TIPRL: variants seen among roughly 807,000 people sequenced by gnomAD.
TIPRL encodes the protein TOR signaling pathway regulator.
In TIPRL, 10 loss-of-function variants were observed where a neutral mutation model predicts 32.3. The observed-to-expected ratio is 0.31, with a 90% CI of 0.19 to 0.52. The LOEUF is 0.52. TIPRL is among the 20% of genes least tolerant of loss of function. The pLI is 0.96. For missense variants in TIPRL, 250 were observed against 328.1 expected (o/e 0.76, Z 1.84); for synonymous variants, 100 against 114.0 (o/e 0.88, Z 0.78).
At chr1:168,187,116 G>C (rs1211454139) in intron 3 of TIPRL, among the ~76,000 whole-genome samples, 1 of 152,192 alleles carries the variant, frequency 6.6e-6, no homozygotes, top group Non-Finnish European at 1.5e-5. Context: ...CTTGGATACA[G>C]CAGAGCAGAC....
chr1:168,196,159 G>A (rs1207673080), intron 4 of TIPRL, among the ~76,000 whole-genome samples: 1 of 152,160 alleles, frequency 6.6e-6, no homozygotes, highest in African/African-American at 2.4e-5. Flanking sequence ...AAAGTGAATA[G>A]GTGAGTAGTG....
At chr1:168,193,619 G>A (rs1436721084) in intron 4 of TIPRL, among the ~76,000 whole-genome samples, 1 of 152,080 alleles carries the variant, frequency 6.6e-6, no homozygotes, top group East Asian at 1.9e-4. Flanking sequence ...TAAGTGGGTC[G>A]GTATTTGGAA....
At position 168,188,759 on chromosome 1, in the gene TIPRL, A is replaced by T. The variant is rs1194420922; in HGVS notation, c.385-2610A>T. ...TTTAGGAGGCCGAGGCAGGCGGAAC[A>T]CCTGAGGTCAGGAGTTCGAGACCAG... On this transcript the variant is annotated intron_variant, in intron 3 of 6. Coordinates refer to ENST00000367833, the MANE Select transcript of TIPRL (RefSeq NM_152902.5). 6.6e-5 allele frequency among the ~76,000 whole-genome samples: 10 copies of T among 152,226 alleles called. No homozygotes were observed. In the East Asian group the frequency reaches 9.7e-4, roughly 15 times the overall value.
At chr1:168,190,066 T>G (rs1700074241) in intron 3 of TIPRL, among the ~76,000 whole-genome samples, 2 of 152,210 alleles carry the variant, frequency 1.3e-5, no homozygotes, top group African/African-American at 2.4e-5. Context: ...TACAAGTGTG[T>G]GTATTTAACA....
chr1:168,179,297 C>CGGAG, intron 1 of TIPRL, 116 bp downstream of exon 1: 6 of 801,516 alleles, frequency 7.5e-6, no homozygotes, highest in Non-Finnish European at 1.2e-5. Flanking sequence ...TCGGTCCCTC[C>CGGAG]GGACCGGACC....
chr1:168,182,075 CA>C lies in TIPRL; in HGVS notation c.105-1814del, dbSNP rs34352880. On this transcript the variant is annotated intron_variant, in intron 1 of 6. Coordinates refer to ENST00000367833, the MANE Select transcript of TIPRL (RefSeq NM_152902.5). ...TAAGACTCCGTCCCCCACCCTCCGC[CA>C]AAAAAAAAAAAATGCCTTTTTTTAT... 6.1e-3 allele frequency among the ~76,000 whole-genome samples: 804 copies of C among 131,958 alleles called. 5 individuals carry two copies. The highest frequency in any genetic ancestry group is 0.017 in the African/African-American group (536 of 31,332). 86.6% of individuals were successfully genotyped at this position (131,958 alleles called of 152,430 possible). A position where few individuals can be genotyped will look rare whatever the true frequency, so the allele number is the denominator to read the frequency against.
At chr1:168,191,858 CAAAAAAAAAA>C (rs60988834) in intron 4 of TIPRL, among the ~76,000 whole-genome samples, 1 of 38,902 alleles carries the variant, frequency 2.6e-5, no homozygotes, top group Non-Finnish European at 5.6e-5. Context: ...GGCGACAGAG[CAAAAAAAAAA>C]AAAAAAAAAA....
At chr1:168,183,835 A>T in intron 1 of TIPRL, 67 bp from the exon 2 acceptor site, 1 of 1,518,668 alleles carries the variant, frequency 6.6e-7, no homozygotes, top group Non-Finnish European at 9.0e-7. Flanking sequence ...TTCTGTTGGG[A>T]TGGAAAAGAA....
intron 4 of TIPRL, among the ~76,000 whole-genome samples, chr1:168,194,881 A>G (rs1700135773): frequency 6.6e-6 from 1 of 152,230 alleles, no homozygotes; most frequent in African/African-American, 2.4e-5. Context: ...TGGAGCCTAC[A>G]GTCAAGTGGA....
At position 168,183,968 on chromosome 1, in the gene TIPRL, C is replaced by G. The variant is rs1236989574; in HGVS notation, c.171C>G (p.Ile57Met). The change falls in exon 2 of 7, where the codon ATC becomes ATG. Residue 57 changes from isoleucine to methionine, a missense_variant. Coordinates refer to ENST00000367833, the MANE Select transcript of TIPRL (RefSeq NM_152902.5). ...TGTTTGGAGACAACGTTTTAAGAAT[C>G]CAGCATGGGTCTGGCTTTGGAATTG... ...EMMFGDNVLR[I>M]QHGSGFGIEF... 3 of 1,614,068 alleles carry G rather than the reference C, an allele frequency of 1.9e-6. No individual in the cohort carries two copies. In the Admixed American group the frequency reaches 5.0e-5, roughly 27 times the overall value.
intron 4 of TIPRL, chr1:168,192,331 G>C: frequency 9.8e-7 from 1 of 1,017,860 alleles, no homozygotes; most frequent in South Asian, 4.0e-5. Flanking sequence ...TCCAGCCTGG[G>C]CGACAGAGCA....
intron 4 of TIPRL, among the ~76,000 whole-genome samples, chr1:168,191,956 T>C (rs1251274564): frequency 6.6e-6 from 1 of 152,108 alleles, no homozygotes; most frequent in East Asian, 1.9e-4. Context: ...GAATATCCAT[T>C]ATAAAATTCA....
At chr1:168,184,731 C>A (rs922781450) in intron 2 of TIPRL, 48 bp from the exon 3 acceptor site, 2 of 1,136,622 alleles carry the variant, frequency 1.8e-6, no homozygotes, top group Non-Finnish European at 2.6e-6. Flanking sequence ...TACAGATAAT[C>A]TCTATTCTGC....
chr1:168,186,381 AGCTACTTG>A (rs1236707414), intron 3 of TIPRL, among the ~76,000 whole-genome samples: 2 of 152,102 alleles, frequency 1.3e-5, no homozygotes, highest in East Asian at 3.9e-4. Context: ...CTGTAATCCC[AGCTACTTG>A]GGAGGTTGAG....
intron 4 of TIPRL, 91 bp downstream of exon 4, chr1:168,191,591 G>A: frequency 1.7e-6 from 2 of 1,152,910 alleles, no homozygotes; most frequent in Non-Finnish European, 2.3e-6. Flanking sequence ...ACTGAGCCTG[G>A]CCGGGCGCGG....
Position 168,201,840 on chromosome 1 carries a change from G to A in TIPRL, c.*1794G>A, listed in dbSNP as rs1700211780. ...ATTTTTTTTTTAACTTGTTGATTCA[G>A]ATGTCTTGGTCCCTGAATAGTCCTA... On this transcript the variant is annotated 3_prime_UTR_variant, in exon 7 of 7. Transcript: ENST00000367833. 6.7e-6 allele frequency: 1 copy of A among 149,912 alleles called. No homozygotes were observed. Among genetic ancestry groups the A allele is most frequent in the Non-Finnish European group, 1.5e-5 (1 of 67,630 alleles). 9.3% of individuals were successfully genotyped at this position (149,912 alleles called of 1,614,324 possible).
chr1:168,179,240 C>T, intron 1 of TIPRL, 59 bp downstream of exon 1: 1 of 1,498,456 alleles, frequency 6.7e-7, no homozygotes, highest in East Asian at 2.3e-5. Context: ...GGGCGGGAGG[C>T]AGGGCGAACT....
chr1:168,181,447 A>T (rs1465049088), intron 1 of TIPRL, among the ~76,000 whole-genome samples: 1 of 151,432 alleles, frequency 6.6e-6, no homozygotes, highest in Non-Finnish European at 1.5e-5. Context: ...CTGACCTCAG[A>T]TGATCCACCT....
chr1:168,198,116 T>C (rs1031370706), intron 5 of TIPRL, among the ~76,000 whole-genome samples: 10 of 152,152 alleles, frequency 6.6e-5, no homozygotes, highest in African/African-American at 2.2e-4. Context: ...TTGAAAGATA[T>C]TCATTTCAGT....
Sources: allele counts gnomAD v4.1 joint callset (sites outside exome capture counted in the v4.1 genomes callset), GRCh38; gene constraint gnomAD v4.1.1; transcripts MANE v1.5; gene names NCBI Gene and HGNC (gene_info 2026-07-23, HGNC 2026-07-21).